Variants in KIAA0825 observed in about 807,000 individuals in gnomAD.
KIAA0825 encodes uncharacterized protein KIAA0825.
In KIAA0825, 119 loss-of-function variants were observed where a neutral mutation model predicts 147.6. That is an observed-to-expected ratio of 0.81 (90% CI 0.69 to 0.94). The LOEUF (loss-of-function observed/expected upper bound fraction) is 0.94, where lower values mean the gene tolerates loss of function less well. KIAA0825 is among the 40% of genes least tolerant of loss of function. KIAA0825 has a pLI of 0.00. For synonymous variants in KIAA0825, 470 were observed against 518.1 expected, an observed-to-expected ratio of 0.91 and a Z score of 1.26; for missense variants, 1,381 against 1,472.7, an observed-to-expected ratio of 0.94 and a Z score of 1.02.
intron 20 of KIAA0825, among the ~76,000 whole-genome samples, chr5:94,355,441 T>C (rs1297580812): frequency 1.3e-5 from 2 of 152,130 alleles, no homozygotes; most frequent in Admixed American, 6.5e-5. Flanking sequence ...CTGAGTGAGA[T>C]TGGAAAGTAA....
Position 94,452,975 on chromosome 5 carries a change from A to G in KIAA0825, c.2341T>C (p.Tyr781His), listed in dbSNP as rs1459464474. 1 of 1,512,826 alleles carries G rather than the reference A, an allele frequency of 6.6e-7. No homozygotes were observed. Among genetic ancestry groups the G allele is most frequent in the Non-Finnish European group, 8.9e-7 (1 of 1,126,434 alleles). The allele number at this position is 1,512,826 out of a possible 1,614,324, so 93.7% of individuals were successfully genotyped here. The part of the protein sequence containing the change: ...LYWVSCISHF[Y>H]PSLLRTPSAG... Reference sequence around the variant, plus strand: ...GGCTCTCACCTGAGTAAAGAAGGGTAGAAATGTGATATGCAAGAAACCCAA... The same window carrying G: ...GGCTCTCACCTGAGTAAAGAAGGGTGGAAATGTGATATGCAAGAAACCCAA... Residue 781 changes from tyrosine to histidine, a missense_variant, in exon 13 of 21, where the codon TAC becomes CAC. Transcript: ENST00000682413.
At chr5:94,418,574 T>C (rs1484868347) in intron 14 of KIAA0825, among the ~76,000 whole-genome samples, 2 of 149,064 alleles carry the variant, frequency 1.3e-5, no homozygotes, top group East Asian at 4.2e-4. Flanking sequence ...CCATAACATA[T>C]TGCATCAACA....
intron 1 of KIAA0825, among the ~76,000 whole-genome samples, chr5:94,590,973 C>A (rs935182443): frequency 6.6e-6 from 1 of 152,096 alleles, no homozygotes; most frequent in African/African-American, 2.4e-5. Context: ...AAAGCAAGTA[C>A]ACATTACGTT....
chr5:94,318,769 A>G (rs1321971560), intron 20 of KIAA0825, among the ~76,000 whole-genome samples: 2 of 151,978 alleles, frequency 1.3e-5, no homozygotes, highest in Non-Finnish European at 2.9e-5. Context: ...GTTACATAGA[A>G]GAACTAAGCA....
At chr5:94,387,191 T>C (rs765526960) in intron 18 of KIAA0825, among the ~76,000 whole-genome samples, 1 of 152,218 alleles carries the variant, frequency 6.6e-6, no homozygotes, top group African/African-American at 2.4e-5. Flanking sequence ...GTTCTTGTGA[T>C]GTTTCATGTG....
rs1240461979 is a variant in KIAA0825 at position 94,151,418 on chromosome 5, C to T, written c.*2589G>A. On this transcript the variant is annotated 3_prime_UTR_variant, in exon 21 of 21. Transcript: ENST00000682413. ...CGGCCTGGGCGACAGAGCGAGACTC[C>T]GTCTCAAAAAAAAAAAAAAAAAAAA... 1.1e-4 allele frequency among the ~76,000 whole-genome samples: 12 copies of T among 109,170 alleles called. No homozygotes were observed. The highest frequency in any genetic ancestry group is 4.7e-4 in the Admixed American group (4 of 8,528). 71.6% of individuals were successfully genotyped at this position (109,170 alleles called of 152,430 possible). A position where few individuals can be genotyped will look rare whatever the true frequency, so the allele number is the denominator to read the frequency against.
At chr5:94,289,532 C>A in intron 20 of KIAA0825, among the ~76,000 whole-genome samples, 1 of 120,098 alleles carries the variant, frequency 8.3e-6, no homozygotes, top group Admixed American at 8.7e-5. Flanking sequence ...AAGACTCCAT[C>A]TGGAAAAAAA....
Position 94,300,508 on chromosome 5 carries a change from C to T in KIAA0825, c.3710+83860G>A, listed in dbSNP as rs187636961. 2.0e-3 allele frequency among the ~76,000 whole-genome samples: 297 copies of T among 151,984 alleles called. 3 individuals are homozygous for T. Among genetic ancestry groups the T allele is most frequent in the African/African-American group, 7.0e-3 (291 of 41,470 alleles). Reference sequence around the variant, plus strand: ...AAATGAGATGGTAATTGATATATCTCAGTTATTTTTAAAGGTAATGAACAC... The same window carrying T: ...AAATGAGATGGTAATTGATATATCTTAGTTATTTTTAAAGGTAATGAACAC... On this transcript the variant is annotated intron_variant, in intron 20 of 20. Transcript: ENST00000682413.
intron 20 of KIAA0825, among the ~76,000 whole-genome samples, chr5:94,168,025 A>G (rs1275409276): frequency 6.7e-6 from 1 of 149,832 alleles, no homozygotes; most frequent in Non-Finnish European, 1.5e-5. Flanking sequence ...CCAATTTAAT[A>G]TATATATAAT....
intron 4 of KIAA0825, among the ~76,000 whole-genome samples, chr5:94,521,831 C>A (rs925331687): frequency 2.6e-5 from 4 of 151,602 alleles, no homozygotes; most frequent in Admixed American, 2.0e-4. Context: ...TAGAAACAAG[C>A]TGATTACAAG....
At chr5:94,364,011 C>G (rs1377712827) in intron 20 of KIAA0825, among the ~76,000 whole-genome samples, 1 of 151,882 alleles carries the variant, frequency 6.6e-6, no homozygotes, top group East Asian at 1.9e-4. Flanking sequence ...ACAGAACAGA[C>G]CCATGCTTTC....
intron 20 of KIAA0825, among the ~76,000 whole-genome samples, chr5:94,238,917 G>T (rs962812348): frequency 1.4e-4 from 22 of 152,164 alleles, no homozygotes; most frequent in African/African-American, 4.8e-4. Context: ...AAATATCTAA[G>T]AAACTGTGGC....
intron 20 of KIAA0825, among the ~76,000 whole-genome samples, chr5:94,275,062 C>G (rs532632088): frequency 3.9e-5 from 6 of 152,240 alleles, no homozygotes; most frequent in African/African-American, 1.4e-4. Flanking sequence ...ACTGCCAAAA[C>G]AGTAATGGTC....
chr5:94,208,623 A>G (rs1471795925), intron 20 of KIAA0825, among the ~76,000 whole-genome samples: 3 of 152,174 alleles, frequency 2.0e-5, no homozygotes, highest in East Asian at 3.8e-4. Context: ...GCTGAGAGTT[A>G]CAGAGAAGGC....
intron 20 of KIAA0825, among the ~76,000 whole-genome samples, chr5:94,243,453 T>C (rs551708381): frequency 1.3e-5 from 2 of 152,334 alleles, no homozygotes; most frequent in African/African-American, 4.8e-5. Context: ...TGAAAGTTTC[T>C]ATACCTTATA....
chr5:94,466,699 T>C (rs999913880), intron 10 of KIAA0825, among the ~76,000 whole-genome samples: 3 of 129,768 alleles, frequency 2.3e-5, no homozygotes, highest in African/African-American at 6.1e-5. Context: ...ATCGTGCCAC[T>C]GCACTCCAGC....
intron 16 of KIAA0825, among the ~76,000 whole-genome samples, 162 bp downstream of exon 16, chr5:94,403,407 T>C (rs1751645458): frequency 6.6e-6 from 1 of 152,184 alleles, no homozygotes; most frequent in Non-Finnish European, 1.5e-5. Context: ...CTTGATCATG[T>C]GGTTCATAGT....
At chr5:94,280,324 G>A (rs184774255) in intron 20 of KIAA0825, among the ~76,000 whole-genome samples, 39 of 152,116 alleles carry the variant, frequency 2.6e-4, no homozygotes, top group Admixed American at 9.8e-4. Flanking sequence ...TTTATCTTAT[G>A]GTAAAACTGA....
At chr5:94,228,925 G>A (rs1371883379) in intron 20 of KIAA0825, among the ~76,000 whole-genome samples, 1 of 152,148 alleles carries the variant, frequency 6.6e-6, no homozygotes, top group African/African-American at 2.4e-5. Context: ...GAGGCCACTG[G>A]CCTGGGACTC....
Sources: allele counts gnomAD v4.1 joint callset (sites outside exome capture counted in the v4.1 genomes callset), GRCh38; gene constraint gnomAD v4.1.1; transcripts MANE v1.5; gene names NCBI Gene and HGNC (gene_info 2026-07-23, HGNC 2026-07-21).